Variants in PSORS1C1 observed in about 807,000 individuals in gnomAD.
PSORS1C1 encodes the protein psoriasis susceptibility 1 candidate 1, also known as psoriasis susceptibility 1 candidate gene 1 protein.
Under a neutral mutation model 9.4 loss-of-function variants are expected in PSORS1C1, and 7 were observed. The ratio of observed to expected loss-of-function variants is 0.75; its 90% CI spans 0.42 to 1.40. The LOEUF (loss-of-function observed/expected upper bound fraction) is 1.40, where lower values mean the gene tolerates loss of function less well. Ranked by LOEUF, PSORS1C1 falls within the 40% of genes most tolerant of loss-of-function variation. The pLI is 0.01. For missense variants in PSORS1C1, 146 were observed against 178.1 expected (o/e 0.82, Z 1.02); for synonymous variants, 63 against 69.4 (o/e 0.91, Z 0.46).
At position 31,139,327 on chromosome 6, in the gene PSORS1C1, C is replaced by A. The variant is rs529285072; in HGVS notation, c.168-314C>A. 5 of 585,062 alleles carry A rather than the reference C, an allele frequency of 8.5e-6. No individual in the cohort carries two copies. The highest frequency in any genetic ancestry group is 3.0e-6 in the Non-Finnish European group (1 of 328,588). The allele number at this position is 585,062 out of a possible 1,614,324, so 36.2% of individuals were successfully genotyped here. A position where few individuals can be genotyped will look rare whatever the true frequency, so the allele number is the denominator to read the frequency against. Reference sequence around the variant, plus strand: ...CATCCACATCCTGGAGCAGTCAATACCCACTTGGCATCTCCGTAATCACAG... The same window carrying A: ...CATCCACATCCTGGAGCAGTCAATAACCACTTGGCATCTCCGTAATCACAG... On this transcript the variant is annotated intron_variant, in intron 5 of 5. Transcript: ENST00000259881. The surrounding 1 kb of genome is among the most constrained non-coding windows in gnomAD (Gnocchi z 5.2).
intron 1 of PSORS1C1, chr6:31,117,566 G>A (rs1475484238): frequency 1.3e-6 from 2 of 1,524,638 alleles, no homozygotes; most frequent in Admixed American, 3.9e-5. Context: ...GGGCCAAGGA[G>A]GCTTGGCTTC....
chr6:31,140,066 C>A lies in PSORS1C1; in HGVS notation c.*134C>A. ...TTGTTCCCTGCCTGGTCCGCTACCC[C>A]ACAGTAAGGAACACCTTATTATGCA... On this transcript the variant is annotated 3_prime_UTR_variant, in exon 6 of 6. Transcript: ENST00000259881. The surrounding 1 kb of genome is among the most constrained non-coding windows in gnomAD (Gnocchi z 4.6). 1 of 806,390 alleles carries A rather than the reference C, an allele frequency of 1.2e-6. No individual in the cohort carries two copies. Among genetic ancestry groups the A allele is most frequent in the Non-Finnish European group, 2.0e-6 (1 of 493,682 alleles). 50.0% of individuals were successfully genotyped at this position (806,390 alleles called of 1,614,324 possible).
intron 1 of PSORS1C1, chr6:31,116,965 G>C (rs1225454437): frequency 6.2e-7 from 1 of 1,614,092 alleles, no homozygotes; most frequent in Non-Finnish European, 8.5e-7. Flanking sequence ...CGAACTACAG[G>C]GACGCTGGTT....
At chr6:31,134,389 A>G (rs1160784985) in intron 3 of PSORS1C1, among the ~76,000 whole-genome samples, 3 of 139,058 alleles carry the variant, frequency 2.2e-5, no homozygotes, top group South Asian at 2.3e-4. Flanking sequence ...TGCAAGCTCC[A>G]CCTCCCAGGT....
rs756727418 is a variant in PSORS1C1 at position 31,117,051 on chromosome 6, G to A, written c.-229+2160G>A. The A allele has an allele frequency of 3.1e-6, 5 of 1,614,254 alleles. No individual in the cohort carries two copies. In the South Asian group the frequency reaches 4.4e-5, roughly 14 times the overall value. On this transcript the variant is annotated intron_variant, in intron 1 of 5. Transcript: ENST00000259881. ...AAGAGCTTTGTCCAGGCTGGGAAGG[G>A]TTTAGTATTCCGCGGTAAGAGTTGT...
chr6:31,116,624 T>A, intron 1 of PSORS1C1: 1 of 1,613,184 alleles, frequency 6.2e-7, no homozygotes, highest in Non-Finnish European at 8.5e-7. Flanking sequence ...GGAGAGCCTT[T>A]CACAGGGTTC....
chr6:31,136,731 C>T (rs1311779631), intron 3 of PSORS1C1, among the ~76,000 whole-genome samples: 1 of 152,230 alleles, frequency 6.6e-6, no homozygotes, highest in East Asian at 1.9e-4. Flanking sequence ...TGCATAGTGA[C>T]ATTTCCAACC....
At chr6:31,120,423 G>T (rs774327734) in intron 1 of PSORS1C1, 1 of 1,576,670 alleles carries the variant, frequency 6.3e-7, no homozygotes, top group Non-Finnish European at 8.6e-7. Context: ...AGCCCATCTC[G>T]GACTGCACGG....
At chr6:31,131,624 C>T (rs1281864125) in intron 3 of PSORS1C1, among the ~76,000 whole-genome samples, 1 of 131,202 alleles carries the variant, frequency 7.6e-6, no homozygotes, top group East Asian at 2.3e-4. Flanking sequence ...AAAAAAAGAG[C>T]TGGGATGATG....
intron 2 of PSORS1C1, among the ~76,000 whole-genome samples, chr6:31,127,898 G>A (rs1772755567): frequency 6.6e-6 from 1 of 152,116 alleles, no homozygotes; most frequent in Non-Finnish European, 1.5e-5. Flanking sequence ...TTCATCACTA[G>A]GTGACATCCT....
At chr6:31,120,431 C>T (rs760265373) in intron 1 of PSORS1C1, 9 of 1,568,416 alleles carry the variant, frequency 5.7e-6, no homozygotes, top group Admixed American at 3.8e-5. Flanking sequence ...TCGGACTGCA[C>T]GGCCTCCTGA....
intron 3 of PSORS1C1, among the ~76,000 whole-genome samples, chr6:31,130,882 T>G (rs1772882986): frequency 6.6e-6 from 1 of 151,566 alleles, no homozygotes; most frequent in Non-Finnish European, 1.5e-5. Context: ...TTTTTAGAGA[T>G]GGGGTCTTGC....
chr6:31,138,890 C>A (rs1773308262), intron 5 of PSORS1C1, 111 bp downstream of exon 5: 7 of 1,599,116 alleles, frequency 4.4e-6, no homozygotes, highest in Non-Finnish European at 2.6e-6. Context: ...TGTCCCCAAC[C>A]CCATGCGTCC....
intron 2 of PSORS1C1, among the ~76,000 whole-genome samples, chr6:31,126,418 C>T (rs9263702): frequency 0.053 from 8,006 of 152,242 alleles, 300 homozygotes; most frequent in South Asian, 0.12. Context: ...CGAGTTGCCC[C>T]TAGCTGAGAA....
At chr6:31,131,398 C>G (rs1772905936) in intron 3 of PSORS1C1, among the ~76,000 whole-genome samples, 2 of 151,882 alleles carry the variant, frequency 1.3e-5, no homozygotes, top group Non-Finnish European at 2.9e-5. Context: ...TCAAGACCAG[C>G]CTGGCCAACA....
At chr6:31,122,096 G>A (rs997271491) in intron 1 of PSORS1C1, among the ~76,000 whole-genome samples, 14 of 152,328 alleles carry the variant, frequency 9.2e-5, no homozygotes, top group Non-Finnish European at 2.1e-4. Flanking sequence ...TGAAGATGAC[G>A]TGGGTTCAAG....
At position 31,140,000 on chromosome 6, in the gene PSORS1C1, C is replaced by G; in HGVS notation, c.*68C>G. The G allele has an allele frequency of 1.4e-6, 2 of 1,429,862 alleles. No individual in the cohort carries two copies. Among genetic ancestry groups the G allele is most frequent in the Non-Finnish European group, 1.9e-6 (2 of 1,033,538 alleles). The allele number at this position is 1,429,862 out of a possible 1,614,324, so 88.6% of individuals were successfully genotyped here. On this transcript the variant is annotated 3_prime_UTR_variant, in exon 6 of 6. Coordinates refer to ENST00000259881, the MANE Select transcript of PSORS1C1 (RefSeq NM_014068.3). The surrounding 1 kb of genome is among the most constrained non-coding windows in gnomAD (Gnocchi z 5.2). ...TCTGCCTGGAAGTCTGTTAGCCTTT[C>G]AGAAGTAACATGTCCAAAATAAAAT...
Position 31,139,055 on chromosome 6 carries a change from TG to T in PSORS1C1, c.167+279del. On this transcript the variant is annotated intron_variant, in intron 5 of 5. Coordinates refer to ENST00000259881, the MANE Select transcript of PSORS1C1 (RefSeq NM_014068.3). The surrounding 1 kb of genome is among the most constrained non-coding windows in gnomAD (Gnocchi z 5.2). ...TATGTACTGGCCCCCAAAGCTGGGG[TG>T]GGCTGAGTCTGGGTGCCTGGGAACC... 6.2e-7 allele frequency: 1 copy of T among 1,611,222 alleles called. No homozygotes were observed. Among genetic ancestry groups the T allele is most frequent in the Non-Finnish European group, 8.5e-7 (1 of 1,177,838 alleles).
chr6:31,119,274 C>G (rs1338413601), intron 1 of PSORS1C1, among the ~76,000 whole-genome samples: 4 of 152,202 alleles, frequency 2.6e-5, no homozygotes, highest in African/African-American at 9.7e-5. Context: ...AAATTCTCTG[C>G]ATGCACCTCC....
Sources: allele counts gnomAD v4.1 joint callset (sites outside exome capture counted in the v4.1 genomes callset), GRCh38; gene constraint gnomAD v4.1.1; non-coding constraint Gnocchi (gnomAD v3.1); transcripts MANE v1.5; gene names NCBI Gene and HGNC (gene_info 2026-07-23, HGNC 2026-07-21).